SIPA1L1: variants seen among roughly 807,000 people sequenced by gnomAD.
The protein encoded by SIPA1L1 is signal induced proliferation associated 1 like 1.
SIPA1L1 carries 26 observed loss-of-function variants against 162.7 expected under a neutral mutation model. The ratio of observed to expected loss-of-function variants is 0.16; its 90% confidence interval spans 0.12 to 0.22. The LOEUF is 0.22. Among genes scored for constraint, SIPA1L1 ranks in the 10% least tolerant of loss-of-function variants. The probability of loss-of-function intolerance (pLI) is 1.00; values close to 1 mark genes in which losing one functional copy is unlikely to be tolerated. For synonymous variants in SIPA1L1, 829 were observed against 837.4 expected (o/e 0.99, Z 0.17); for missense variants, 1,874 against 2,241.0 (o/e 0.84, Z 3.31).
intron 2 of SIPA1L1, among the ~76,000 whole-genome samples, chr14:71,441,257 T>G (rs1159910084): frequency 6.6e-6 from 1 of 152,206 alleles, no homozygotes; most frequent in African/African-American, 2.4e-5. Flanking sequence ...ATGGATCTGT[T>G]TCTGATCCAA....
At chr14:71,513,852 G>A (rs2051424034) in intron 3 of SIPA1L1, among the ~76,000 whole-genome samples, 2 of 152,180 alleles carry the variant, frequency 1.3e-5, no homozygotes, top group African/African-American at 4.8e-5. Flanking sequence ...GGGATGGCAA[G>A]TTAGAAATCT....
chr14:71,405,991 T>C (rs562168973), intron 2 of SIPA1L1, among the ~76,000 whole-genome samples: 65 of 152,302 alleles, frequency 4.3e-4, no homozygotes, highest in African/African-American at 1.3e-3. Context: ...AAAATGATCA[T>C]GGGCAGAAAG....
intron 4 of SIPA1L1, among the ~76,000 whole-genome samples, chr14:71,579,572 C>T (rs1049551079): frequency 6.6e-6 from 1 of 152,174 alleles, no homozygotes; most frequent in African/African-American, 2.4e-5. Flanking sequence ...GTCAGACAGA[C>T]AGAGGAACCA....
intron 12 of SIPA1L1, among the ~76,000 whole-genome samples, chr14:71,683,958 G>T (rs1043483698): frequency 2.6e-5 from 4 of 152,122 alleles, no homozygotes; most frequent in African/African-American, 7.2e-5. Context: ...CTGTGTCCCA[G>T]TGTGAAATGT....
At chr14:71,509,807 C>T (rs2050976200) in intron 2 of SIPA1L1, among the ~76,000 whole-genome samples, 1 of 151,478 alleles carries the variant, frequency 6.6e-6, no homozygotes, top group African/African-American at 2.4e-5. Context: ...TATAAAAGAG[C>T]AGATTTGTTA....
At chr14:71,411,351 C>G (rs912704870) in intron 2 of SIPA1L1, among the ~76,000 whole-genome samples, 1 of 152,108 alleles carries the variant, frequency 6.6e-6, no homozygotes, top group Non-Finnish European at 1.5e-5. Flanking sequence ...AACTTCTGAA[C>G]CTTCCTAGTA....
intron 4 of SIPA1L1, among the ~76,000 whole-genome samples, chr14:71,563,494 TC>T (rs1167326917): frequency 6.6e-6 from 1 of 152,228 alleles, no homozygotes; most frequent in Admixed American, 6.5e-5. Context: ...AAACTATGAC[TC>T]CTTAAGAATT....
At chr14:71,590,825 G>A (rs566036973) in intron 5 of SIPA1L1, among the ~76,000 whole-genome samples, 60 of 152,250 alleles carry the variant, frequency 3.9e-4, no homozygotes, top group African/African-American at 1.4e-3. Context: ...TTGGGGTAGC[G>A]TGGAGTAGGG....
At chr14:71,517,444 C>A (rs2051855793) in intron 3 of SIPA1L1, among the ~76,000 whole-genome samples, 2 of 152,062 alleles carry the variant, frequency 1.3e-5, no homozygotes, top group Admixed American at 1.3e-4. Context: ...ATTCTGTTTT[C>A]TTATTTTACT....
intron 2 of SIPA1L1, among the ~76,000 whole-genome samples, chr14:71,445,031 A>G (rs2045236536): frequency 6.6e-6 from 1 of 152,232 alleles, no homozygotes; most frequent in African/African-American, 2.4e-5. Flanking sequence ...TTAAGTATAA[A>G]ATATTTGTGA....
intron 4 of SIPA1L1, among the ~76,000 whole-genome samples, chr14:71,579,483 AG>A (rs990938092): frequency 7.2e-5 from 11 of 152,172 alleles, no homozygotes; most frequent in African/African-American, 2.7e-4. Flanking sequence ...AGCATGTGTG[AG>A]GAAACGAAAT....
chr14:71,436,750 T>C (rs190754223), intron 2 of SIPA1L1, among the ~76,000 whole-genome samples: 207 of 151,570 alleles, frequency 1.4e-3, no homozygotes, highest in Non-Finnish European at 2.5e-3. Context: ...ACTACAGACA[T>C]ACCTTCTGAA....
intron 12 of SIPA1L1, among the ~76,000 whole-genome samples, chr14:71,676,541 A>G (rs1239917103): frequency 6.7e-6 from 1 of 148,964 alleles, no homozygotes; most frequent in African/African-American, 2.5e-5. Context: ...TTTGTTACAT[A>G]TGTATACATG....
At chr14:71,407,200 A>G (rs1349251548) in intron 2 of SIPA1L1, among the ~76,000 whole-genome samples, 1 of 152,180 alleles carries the variant, frequency 6.6e-6, no homozygotes, top group Non-Finnish European at 1.5e-5. Context: ...AAAAGCTTTT[A>G]ATAAAAAATA....
At chr14:71,521,138 T>C (rs2052312887) in intron 3 of SIPA1L1, among the ~76,000 whole-genome samples, 1 of 152,180 alleles carries the variant, frequency 6.6e-6, no homozygotes, top group Admixed American at 6.5e-5. Context: ...AACATCCTTG[T>C]TTATGTTGTA....
intron 10 of SIPA1L1, among the ~76,000 whole-genome samples, chr14:71,661,944 G>A (rs918776396): frequency 1.3e-5 from 2 of 152,162 alleles, no homozygotes; most frequent in African/African-American, 4.8e-5. Context: ...TAGCATTATT[G>A]AAATTGTTTC....
chr14:71,680,724 C>G (rs527430804), intron 12 of SIPA1L1, among the ~76,000 whole-genome samples: 67 of 152,202 alleles, frequency 4.4e-4, no homozygotes, highest in African/African-American at 1.5e-3. Context: ...CAAATAGATG[C>G]AGTAAAAAAT....
At chr14:71,447,853 G>A (rs1408636333) in intron 2 of SIPA1L1, among the ~76,000 whole-genome samples, 3 of 152,138 alleles carry the variant, frequency 2.0e-5, no homozygotes, top group Non-Finnish European at 4.4e-5. Flanking sequence ...ACAGGTGTGA[G>A]CCACCATGCC....
At chr14:71,448,728 A>T (rs1434764800) in intron 2 of SIPA1L1, 1 of 152,216 alleles carries the variant, frequency 6.6e-6, no homozygotes, top group Non-Finnish European at 1.5e-5. Context: ...GCAACTCAGG[A>T]GGCTGAGGCA....
Sources: allele counts gnomAD v4.1 joint callset (sites outside exome capture counted in the v4.1 genomes callset), GRCh38; gene constraint gnomAD v4.1.1; transcripts MANE v1.5; gene names NCBI Gene and HGNC (gene_info 2026-07-23, HGNC 2026-07-21).